FGFR1: variants seen among roughly 807,000 people sequenced by gnomAD.
The protein encoded by FGFR1 is fibroblast growth factor receptor 1.
Under a neutral mutation model 93.7 loss-of-function variants are expected in FGFR1, and 18 were observed. That is an observed-to-expected ratio of 0.19 (90% CI 0.13 to 0.28). The LOEUF (loss-of-function observed/expected upper bound fraction) is 0.28. Among genes scored for constraint, FGFR1 ranks in the 10% least tolerant of loss-of-function variants. The probability of loss-of-function intolerance (pLI) is 1.00; values close to 1 mark genes in which losing one functional copy is unlikely to be tolerated. For missense variants in FGFR1, 731 were observed against 1,080.4 expected (o/e 0.68, Z 4.53); for synonymous variants, 448 against 429.3 (o/e 1.04, Z -0.54).
At position 38,415,954 on chromosome 8, in the gene FGFR1, G is replaced by A. The variant is rs2150585961; in HGVS notation, c.1770C>T (p.Asn590=). 1.2e-6 allele frequency: 2 copies of A among 1,614,126 alleles called. No homozygotes were observed. The highest frequency in any genetic ancestry group is 2.2e-5 in the South Asian group (2 of 91,078). The part of the protein sequence containing the change: ...GLEYCYNPSH[N]PEEQLSSKDL... ...CCTTGGAGGAGAGCTGCTCCTCTGG[G>A]TTGTGGCTGGGGTTGTAGCAGTATT... The change falls in exon 13 of 18, where the codon AAC becomes AAT. Residue 590 remains asparagine (N), a synonymous_variant. Transcript: ENST00000447712.
At chr8:38,433,792 T>C (rs189815885) in intron 2 of FGFR1, among the ~76,000 whole-genome samples, 4 of 152,366 alleles carry the variant, frequency 2.6e-5, no homozygotes, top group African/African-American at 9.6e-5. Context: ...GTAATTCACA[T>C]GCTGTAATAT....
chr8:38,465,064 C>G (rs1416605380), intron 1 of FGFR1, among the ~76,000 whole-genome samples: 15 of 152,188 alleles, frequency 9.9e-5, no homozygotes, highest in Non-Finnish European at 1.8e-4. Context: ...TTTTCTTGCC[C>G]TCTGGAGTCC....
intron 8 of FGFR1, among the ~76,000 whole-genome samples, chr8:38,420,783 A>G (rs1818455017): frequency 6.6e-6 from 1 of 152,148 alleles, no homozygotes; most frequent in Admixed American, 6.5e-5. Flanking sequence ...GAGAGGCATG[A>G]GGCATGAGGC....
chr8:38,422,973 T>C (rs1481646294), intron 7 of FGFR1: 11 of 772,824 alleles, frequency 1.4e-5, no homozygotes, highest in Non-Finnish European at 2.7e-5. Context: ...CCCCAGCAGC[T>C]TGGGGCCTAC....
chr8:38,444,691 C>A (rs1828752982), intron 2 of FGFR1, among the ~76,000 whole-genome samples: 1 of 151,776 alleles, frequency 6.6e-6, no homozygotes, highest in Admixed American at 6.6e-5. Context: ...CATGCCCAGC[C>A]AGTTTAGGGA....
rs777481020 is a variant in FGFR1 at position 38,412,113 on chromosome 8, C to T, written c.*1515G>A. The stretch of plus-strand genomic sequence containing the variant: ...TGTTGCCCAGGCTGGAGTGCAATGG[C>T]GCAATCTCGGCTCACTGCAACCTCC... On this transcript the variant is annotated 3_prime_UTR_variant, in exon 18 of 18. Coordinates refer to ENST00000447712, the MANE Select transcript of FGFR1 (RefSeq NM_023110.3). The T allele has an allele frequency of 7.2e-5, 15 of 209,550 alleles. No homozygotes were observed. The highest frequency in any genetic ancestry group is 1.8e-4 in the African/African-American group (8 of 44,072). 13.0% of individuals were successfully genotyped at this position (209,550 alleles called of 1,614,324 possible).
chr8:38,423,924 G>A (rs979195652), intron 7 of FGFR1: 4 of 175,364 alleles, frequency 2.3e-5, no homozygotes, highest in Admixed American at 5.6e-5. Flanking sequence ...TTCCTGTTGC[G>A]AGATCCACTG....
chr8:38,442,360 G>A (rs949931889), intron 2 of FGFR1, among the ~76,000 whole-genome samples: 1 of 60,512 alleles, frequency 1.7e-5, no homozygotes, highest in Non-Finnish European at 3.7e-5. Context: ...AGTTGTTAAA[G>A]TGGTGTGTGT....
At chr8:38,431,326 G>A (rs542168484) in intron 2 of FGFR1, among the ~76,000 whole-genome samples, 54 of 152,242 alleles carry the variant, frequency 3.5e-4, no homozygotes, top group African/African-American at 1.3e-3. Context: ...TCCCCCTCCT[G>A]GCACCTGTCA....
rs1261787407 is a variant in FGFR1 at position 38,426,711 on chromosome 8, T to C, written c.622-466A>G. Among the ~76,000 whole-genome samples, 1 of 152,240 alleles carries C rather than the reference T, an allele frequency of 6.6e-6. No individual in the cohort carries two copies. The highest frequency in any genetic ancestry group is 6.5e-5 in the Admixed American group (1 of 15,284). ...GTCTACTTTTTACGGTAGCTGCTCA[T>C]GGACATTTGCCTCCTATCAGACTGC... On this transcript the variant is annotated intron_variant, in intron 5 of 17. Transcript: ENST00000447712. The surrounding 1 kb of genome is among the most constrained non-coding windows in gnomAD (Gnocchi z 4.1).
intron 2 of FGFR1, among the ~76,000 whole-genome samples, chr8:38,453,539 G>T (rs1831789824): frequency 6.6e-6 from 1 of 152,154 alleles, no homozygotes; most frequent in South Asian, 2.1e-4. Flanking sequence ...GAAAATGTGT[G>T]CCCACCCAGG....
chr8:38,451,919 T>C (rs558244356), intron 2 of FGFR1, among the ~76,000 whole-genome samples: 18 of 151,938 alleles, frequency 1.2e-4, no homozygotes, highest in Admixed American at 2.6e-4. Flanking sequence ...ATGTTGGGGC[T>C]TATCATCTGA....
chr8:38,429,986 G>T lies in FGFR1; in HGVS notation c.92-38C>A. On this transcript the variant is annotated intron_variant, in intron 2 of 17. Coordinates refer to ENST00000447712, the MANE Select transcript of FGFR1 (RefSeq NM_023110.3). This position sits in a 1 kb window ranked among gnomAD's most constrained non-coding sequence, Gnocchi z 4.4. ...CGGGGCCGGGAAGGGAAGCCAAGGG[G>T]CGAGAGAGGAAGACAGGGAGAGGGG... 1 of 1,573,922 alleles carries T rather than the reference G, an allele frequency of 6.4e-7. No homozygotes were observed. Among genetic ancestry groups the T allele is most frequent in the Middle Eastern group, 1.7e-4 (1 of 5,898 alleles).
intron 1 of FGFR1, chr8:38,458,794 T>C (rs1833620917): frequency 9.1e-6 from 2 of 220,648 alleles, no homozygotes; most frequent in East Asian, 6.6e-5. Flanking sequence ...ATCACATCCA[T>C]AGTTCTACCA....
intron 5 of FGFR1, 56 bp downstream of exon 5, chr8:38,427,865 C>CT (rs1821347469): frequency 6.3e-7 from 1 of 1,599,046 alleles, no homozygotes; most frequent in African/African-American, 1.3e-5. Flanking sequence ...TCAGGACTTC[C>CT]TAACTCGGCC....
At chr8:38,435,022 C>G (rs898439415) in intron 2 of FGFR1, 1 of 152,304 alleles carries the variant, frequency 6.6e-6, no homozygotes, top group East Asian at 1.9e-4. Context: ...AGGCATGTGC[C>G]ACCACGCCTG....
At position 38,413,551 on chromosome 8, in the gene FGFR1, A is replaced by C; in HGVS notation, c.*77T>G. On this transcript the variant is annotated 3_prime_UTR_variant, in exon 18 of 18. Transcript: ENST00000447712. This position sits in a 1 kb window ranked among gnomAD's most constrained non-coding sequence, Gnocchi z 4.2. ...AGCAGGAAAGGGGACAGGGACGGAC[A>C]GGTGGTGGGCCCAGCAGGGGCTGTG... 1.4e-6 allele frequency: 2 copies of C among 1,475,214 alleles called. No homozygotes were observed. 91.4% of individuals were successfully genotyped at this position (1,475,214 alleles called of 1,614,324 possible).
rs138489552 is a variant in FGFR1 at position 38,428,395 on chromosome 8, G to GTCA, written c.396_398dup (p.Asp133dup). 1.5e-4 allele frequency: 244 copies of GTCA among 1,613,604 alleles called. No individual in the cohort carries two copies. Among genetic ancestry groups the GTCA allele is most frequent in the South Asian group, 3.4e-4 (31 of 91,058 alleles). Reference sequence around the variant, plus strand: ...CTGTTTCTTTCTCCTCTGAAGAGGAGTCATCATCATCATCATCATCCTCCG... The same window carrying GTCA: ...CTGTTTCTTTCTCCTCTGAAGAGGAGTCATCATCATCATCATCATCATCCTCCG... On this transcript the variant is annotated inframe_insertion, in exon 4 of 18. Coordinates refer to ENST00000447712, the MANE Select transcript of FGFR1 (RefSeq NM_023110.3).
intron 9 of FGFR1, 129 bp from the exon 10 acceptor site, chr8:38,418,502 C>T (rs948964063): frequency 1.7e-6 from 2 of 1,174,844 alleles, no homozygotes; most frequent in South Asian, 1.4e-5. Context: ...TTCCTCAACA[C>T]AGAGTGGTCC....
Sources: allele counts gnomAD v4.1 joint callset (sites outside exome capture counted in the v4.1 genomes callset), GRCh38; gene constraint gnomAD v4.1.1; non-coding constraint Gnocchi (gnomAD v3.1); transcripts MANE v1.5; gene names NCBI Gene and HGNC (gene_info 2026-07-23, HGNC 2026-07-21).